PPP1R9A: variants seen among roughly 807,000 people sequenced by gnomAD.
PPP1R9A encodes the protein neurabin-1.
Under a neutral mutation model 141.9 loss-of-function variants are expected in PPP1R9A, and 59 were observed. The ratio of observed to expected loss-of-function variants is 0.42; its 90% CI spans 0.34 to 0.52. PPP1R9A has a LOEUF of 0.52. PPP1R9A is among the 20% of genes least tolerant of loss of function. The probability of loss-of-function intolerance (pLI) is 0.10; values close to 1 mark genes in which losing one functional copy is unlikely to be tolerated. For synonymous variants in PPP1R9A, 500 were observed against 569.7 expected (o/e 0.88, Z 1.74); for missense variants, 1,444 against 1,611.9 (o/e 0.90, Z 1.78).
At chr7:95,148,181 G>GAGAACAAA (rs1349019245) in intron 4 of PPP1R9A, among the ~76,000 whole-genome samples, 6 of 151,992 alleles carry the variant, frequency 3.9e-5, no homozygotes, top group African/African-American at 1.4e-4. Context: ...CCAAAGTAAG[G>GAGAACAAA]AGAACAAAAG....
At chr7:95,082,912 C>T (rs1470684551) in intron 2 of PPP1R9A, among the ~76,000 whole-genome samples, 2 of 151,430 alleles carry the variant, frequency 1.3e-5, no homozygotes, top group Middle Eastern at 3.2e-3. Context: ...CCCACCACCA[C>T]GCCCGGCTAA....
intron 2 of PPP1R9A, among the ~76,000 whole-genome samples, chr7:94,961,141 A>ATG (rs888218927): frequency 4.0e-5 from 6 of 151,594 alleles, no homozygotes; most frequent in Admixed American, 3.9e-4. Context: ...ACTCTTTTAA[A>ATG]TGTTCTCTTC....
intron 2 of PPP1R9A, among the ~76,000 whole-genome samples, chr7:94,963,428 A>G (rs575429036): frequency 6.6e-6 from 1 of 152,250 alleles, no homozygotes; most frequent in African/African-American, 2.4e-5. Context: ...GCCACAATCA[A>G]TTTTAGAAAT....
chr7:95,120,858 C>T (rs1043908576), intron 4 of PPP1R9A, 26 bp downstream of exon 4: 2 of 1,596,254 alleles, frequency 1.3e-6, no homozygotes, highest in Non-Finnish European at 1.7e-6. Context: ...TTGTTAATAA[C>T]TTAAAATCTT....
At chr7:95,232,764 A>G (rs1410807844) in intron 8 of PPP1R9A, among the ~76,000 whole-genome samples, 1 of 152,202 alleles carries the variant, frequency 6.6e-6, no homozygotes, top group Non-Finnish European at 1.5e-5. Context: ...AAACATATGA[A>G]AAAAAGCTTA....
chr7:94,980,445 T>A (rs1054605513), intron 2 of PPP1R9A, among the ~76,000 whole-genome samples: 2 of 152,100 alleles, frequency 1.3e-5, no homozygotes, highest in Admixed American at 1.3e-4. Context: ...TTCTAATACT[T>A]TTCTAGCTGT....
At chr7:95,168,128 C>T (rs1831551785) in intron 5 of PPP1R9A, among the ~76,000 whole-genome samples, 1 of 152,094 alleles carries the variant, frequency 6.6e-6, no homozygotes, top group African/African-American at 2.4e-5. Context: ...CATCACATTA[C>T]CTGACTTCAA....
chr7:95,189,077 G>C (rs764242420), intron 5 of PPP1R9A, among the ~76,000 whole-genome samples: 2 of 152,132 alleles, frequency 1.3e-5, no homozygotes, highest in African/African-American at 4.8e-5. Context: ...TTCTTGGTTT[G>C]TAAGTATTTT....
rs1368405531 is a variant in PPP1R9A at position 95,150,207 on chromosome 7, A to T, written c.1650-11660A>T. On this transcript the variant is annotated intron_variant, in intron 4 of 19. Coordinates refer to ENST00000433360, the MANE Select transcript of PPP1R9A (RefSeq NM_001166160.2). ...TACCTTACACCCTTCACAAGAATTA[A>T]CTCAAAATGAATTGCAGACCTAAAT... 2.0e-5 allele frequency among the ~76,000 whole-genome samples: 3 copies of T among 152,340 alleles called. No individual in the cohort carries two copies. The East Asian group carries it at 5.8e-4, about 29-fold the overall frequency.
chr7:95,040,017 G>C (rs1028534729), intron 2 of PPP1R9A, among the ~76,000 whole-genome samples: 4 of 152,126 alleles, frequency 2.6e-5, no homozygotes, highest in Non-Finnish European at 5.9e-5. Context: ...AGACGGAGAA[G>C]ATCTTGAAAT....
chr7:95,054,713 G>A (rs553689507), intron 2 of PPP1R9A, among the ~76,000 whole-genome samples: 12 of 152,102 alleles, frequency 7.9e-5, no homozygotes, highest in Admixed American at 2.0e-4. Flanking sequence ...TTCTTGACTG[G>A]TCTAGGTTTG....
At chr7:94,921,185 G>A (rs906309051) in intron 2 of PPP1R9A, among the ~76,000 whole-genome samples, 20 of 152,020 alleles carry the variant, frequency 1.3e-4, no homozygotes, top group Non-Finnish European at 7.4e-5. Context: ...GGTGGCTCAC[G>A]CCTGTAATTC....
intron 2 of PPP1R9A, among the ~76,000 whole-genome samples, chr7:94,984,700 C>G (rs1800578313): frequency 6.6e-6 from 1 of 151,990 alleles, no homozygotes; most frequent in Admixed American, 6.6e-5. Flanking sequence ...TTTTTTATTG[C>G]ATCTATTTGA....
chr7:95,069,186 A>T (rs1813412593), intron 2 of PPP1R9A, among the ~76,000 whole-genome samples: 1 of 152,202 alleles, frequency 6.6e-6, no homozygotes, highest in African/African-American at 2.4e-5. Flanking sequence ...AGGGCTGTCT[A>T]CCTAATGATT....
intron 2 of PPP1R9A, among the ~76,000 whole-genome samples, chr7:95,082,557 T>C (rs1338275365): frequency 6.6e-6 from 1 of 151,586 alleles, no homozygotes; most frequent in East Asian, 1.9e-4. Flanking sequence ...CTGGGCAACA[T>C]AGCGAGACAC....
chr7:95,268,511 C>T, intron 12 of PPP1R9A, 39 bp from the exon 13 acceptor site: 1 of 1,608,278 alleles, frequency 6.2e-7, no homozygotes, highest in African/African-American at 1.3e-5. Context: ...CAGTTCTCTC[C>T]AAAGGTTTCT....
At chr7:95,126,012 G>T (rs571969415) in intron 4 of PPP1R9A, among the ~76,000 whole-genome samples, 26 of 152,008 alleles carry the variant, frequency 1.7e-4, no homozygotes, top group Non-Finnish European at 5.9e-5. Context: ...TCCCCTATTC[G>T]ATGGTTTCCT....
chr7:95,006,342 CG>C (rs1199512869), intron 2 of PPP1R9A, among the ~76,000 whole-genome samples: 1 of 151,700 alleles, frequency 6.6e-6, no homozygotes, highest in East Asian at 1.9e-4. Context: ...TTCAGCTCCC[CG>C]AGTAGCTGGG....
intron 2 of PPP1R9A, among the ~76,000 whole-genome samples, chr7:94,982,540 C>A (rs950952059): frequency 1.8e-4 from 27 of 152,298 alleles, no homozygotes; most frequent in African/African-American, 6.5e-4. Flanking sequence ...GATGGTATCT[C>A]ATTGTGGTTT....
Sources: allele counts gnomAD v4.1 joint callset (sites outside exome capture counted in the v4.1 genomes callset), GRCh38; gene constraint gnomAD v4.1.1; transcripts MANE v1.5; gene names NCBI Gene and HGNC (gene_info 2026-07-23, HGNC 2026-07-21).